The following MCTP2 variants were observed in gnomAD, a reference collection of about 807,000 sequenced individuals.
The protein encoded by MCTP2 is multiple C2 and transmembrane domain containing 2, also known as multiple C2 and transmembrane domain-containing protein 2.
Under a neutral mutation model 111.6 loss-of-function variants are expected in MCTP2, and 132 were observed. The observed-to-expected ratio is 1.18, with a 90% CI of 1.03 to 1.37. MCTP2 has a LOEUF of 1.37. Among genes scored for constraint, MCTP2 ranks in the 40% most tolerant of loss-of-function variants. The pLI is 0.00. For missense variants in MCTP2, 1,183 were observed against 1,067.9 expected, an observed-to-expected ratio of 1.11 and a Z score of -1.50; for synonymous variants, 395 against 387.7, an observed-to-expected ratio of 1.02 and a Z score of -0.22.
At chr15:94,290,448 A>G (rs534709150) in intron 1 of MCTP2, among the ~76,000 whole-genome samples, 4 of 152,356 alleles carry the variant, frequency 2.6e-5, no homozygotes, top group African/African-American at 7.2e-5. Flanking sequence ...CTGATAAATT[A>G]AAATGGAACA....
At chr15:94,276,259 A>C (rs895438176) in intron 1 of MCTP2, among the ~76,000 whole-genome samples, 1 of 152,178 alleles carries the variant, frequency 6.6e-6, no homozygotes, top group Admixed American at 6.5e-5. Context: ...AGAGATTAAA[A>C]CAGCAATATA....
chr15:94,477,879 C>T (rs755236199), intron 22 of MCTP2, among the ~76,000 whole-genome samples: 2 of 152,018 alleles, frequency 1.3e-5, no homozygotes, highest in African/African-American at 4.8e-5. Context: ...AATAATAACC[C>T]GGCCCCTGTT....
At chr15:94,329,870 T>C (rs36120138) in intron 4 of MCTP2, among the ~76,000 whole-genome samples, 30,149 of 152,152 alleles carry the variant, frequency 0.2, 3,248 homozygotes, top group East Asian at 0.31. Context: ...TACCCTTCCA[T>C]TAACTAGAGT....
chr15:94,457,352 C>G (rs537697175), intron 19 of MCTP2, among the ~76,000 whole-genome samples: 1 of 152,234 alleles, frequency 6.6e-6, no homozygotes, highest in East Asian at 1.9e-4. Context: ...AGTTACCTGG[C>G]ATGGTAAAAA....
At chr15:94,387,643 C>T (rs946509445) in intron 14 of MCTP2, among the ~76,000 whole-genome samples, 5 of 152,152 alleles carry the variant, frequency 3.3e-5, no homozygotes, top group African/African-American at 1.2e-4. Flanking sequence ...GGTGATAGAG[C>T]TCTAACAATG....
chr15:94,281,576 T>C lies in MCTP2; in HGVS notation c.-65-16625T>C, dbSNP rs1376339280. On this transcript the variant is annotated intron_variant, in intron 1 of 22. Transcript: ENST00000357742. ...TTTACATTCAAGGTTAATATTGATA[T>C]ATACAGGTTTGATCTTGTTGTTGTG... Among the ~76,000 whole-genome samples the C allele has an allele frequency of 2.0e-5, 3 of 152,196 alleles. No individual in the cohort carries two copies. The East Asian group carries it at 5.8e-4, about 29-fold the overall frequency.
chr15:94,296,442 G>C (rs1358618009), intron 1 of MCTP2, among the ~76,000 whole-genome samples: 1 of 152,174 alleles, frequency 6.6e-6, no homozygotes, highest in Non-Finnish European at 1.5e-5. Flanking sequence ...ACCTAGCACT[G>C]TTCTAGATAC....
intron 7 of MCTP2, 27 bp from the exon 8 acceptor site, chr15:94,345,102 C>T (rs778230616): frequency 1.9e-6 from 3 of 1,611,732 alleles, no homozygotes; most frequent in South Asian, 2.2e-5. Flanking sequence ...TTGCCATTTT[C>T]ACCATTCCGC....
At chr15:94,283,466 C>G (rs1030835904) in intron 1 of MCTP2, among the ~76,000 whole-genome samples, 4 of 152,184 alleles carry the variant, frequency 2.6e-5, no homozygotes, top group African/African-American at 9.7e-5. Flanking sequence ...GGGAAGATCT[C>G]CCTGCCACCT....
chr15:94,388,434 A>G (rs1471531199), intron 14 of MCTP2, among the ~76,000 whole-genome samples: 3 of 152,242 alleles, frequency 2.0e-5, no homozygotes, highest in Non-Finnish European at 4.4e-5. Context: ...TCAGTGGTCC[A>G]CCTGCAACAT....
chr15:94,245,526 T>G (rs28524966), intron 1 of MCTP2, among the ~76,000 whole-genome samples: 1 of 141,382 alleles, frequency 7.1e-6, no homozygotes, highest in Non-Finnish European at 1.5e-5. Context: ...ATGTATATAT[T>G]TATATACATA....
intron 18 of MCTP2, among the ~76,000 whole-genome samples, chr15:94,442,365 A>G (rs1049330977): frequency 3.3e-5 from 5 of 152,370 alleles, no homozygotes; most frequent in African/African-American, 9.6e-5. Context: ...CCTTAAGTCC[A>G]GATCTGAGCC....
chr15:94,402,430 A>C, intron 17 of MCTP2: 1 of 1,538,516 alleles, frequency 6.5e-7, no homozygotes, highest in Non-Finnish European at 8.8e-7. Flanking sequence ...AAAGATGTTT[A>C]TTCATTTCAA....
intron 17 of MCTP2, among the ~76,000 whole-genome samples, chr15:94,410,759 A>G (rs2082117380): frequency 6.6e-6 from 1 of 152,234 alleles, no homozygotes; most frequent in South Asian, 2.1e-4. Context: ...CATCTAATCA[A>G]TGCTTCTTGG....
intron 17 of MCTP2, among the ~76,000 whole-genome samples, chr15:94,428,128 T>C (rs1257223449): frequency 1.3e-5 from 2 of 152,216 alleles, no homozygotes; most frequent in Non-Finnish European, 2.9e-5. Flanking sequence ...ATTTTGCCTT[T>C]ATACTTGGGG....
At chr15:94,358,127 A>G in intron 9 of MCTP2, among the ~76,000 whole-genome samples, 1 of 152,248 alleles carries the variant, frequency 6.6e-6, no homozygotes, top group East Asian at 1.9e-4. Context: ...ACTTGCATTC[A>G]ATTAAGCAAT....
chr15:94,272,180 CTCTTA>C (rs1451225971), intron 1 of MCTP2, among the ~76,000 whole-genome samples: 1 of 152,104 alleles, frequency 6.6e-6, no homozygotes, highest in East Asian at 1.9e-4. Flanking sequence ...GAATTGCCTT[CTCTTA>C]TATTTGTATG....
At chr15:94,400,517 C>A (rs1347674993) in intron 16 of MCTP2, among the ~76,000 whole-genome samples, 1 of 152,006 alleles carries the variant, frequency 6.6e-6, no homozygotes, top group Non-Finnish European at 1.5e-5. Flanking sequence ...AATGCAAGTT[C>A]TCTCCCTCTG....
intron 1 of MCTP2, among the ~76,000 whole-genome samples, chr15:94,279,252 T>C (rs1162361743): frequency 6.6e-6 from 1 of 152,176 alleles, no homozygotes; most frequent in East Asian, 1.9e-4. Context: ...TTCAAGAGCA[T>C]GGAATGCTTT....
Sources: allele counts gnomAD v4.1 joint callset (sites outside exome capture counted in the v4.1 genomes callset), GRCh38; gene constraint gnomAD v4.1.1; transcripts MANE v1.5; gene names NCBI Gene and HGNC (gene_info 2026-07-23, HGNC 2026-07-21).